NBAS: variants seen among roughly 807,000 people sequenced by gnomAD.
NBAS encodes the protein NAG/BC035112 fusion.
Under a neutral mutation model 302.5 loss-of-function variants are expected in NBAS, and 219 were observed. The ratio of observed to expected loss-of-function variants is 0.72; its 90% CI spans 0.65 to 0.81. The LOEUF (loss-of-function observed/expected upper bound fraction) is 0.81, where lower values mean the gene tolerates loss of function less well. Ranked by LOEUF, NBAS falls within the 30% of genes least tolerant of loss-of-function variation. The pLI, the probability that NBAS is intolerant of heterozygous loss-of-function variation, is 0.00. For missense variants in NBAS, 2,932 were observed against 2,841.6 expected (o/e 1.03, Z -0.72); for synonymous variants, 1,118 against 1,021.6 (o/e 1.09, Z -1.80).
At chr2:15,016,457 A>T in the NBAS span, among the ~76,000 whole-genome samples, 2 of 152,172 alleles carry the variant, frequency 1.3e-5, no homozygotes, top group Non-Finnish European at 2.9e-5. Flanking sequence ...CAAAACACTG[A>T]TGAAATAATT....
chr2:15,152,773 G>T, the NBAS span, among the ~76,000 whole-genome samples: 3 of 152,168 alleles, frequency 2.0e-5, no homozygotes, highest in African/African-American at 7.2e-5. Flanking sequence ...GGGGCCTGTT[G>T]GTTATATTTG....
chr2:15,258,680 G>A lies in NBAS; in HGVS notation c.5724+16804C>T, dbSNP rs148337927. ...GAGGTCAGACCAGTTGTCTGCTCTCGAACCCTGTTTTCTGTTGTTTAAGAT... is the reference window on the plus strand; with the variant it reads ...GAGGTCAGACCAGTTGTCTGCTCTCAAACCCTGTTTTCTGTTGTTTAAGAT... On this transcript the variant is annotated intron_variant, in intron 44 of 51. Transcript: ENST00000281513. 1.1e-4 allele frequency among the ~76,000 whole-genome samples: 17 copies of A among 152,202 alleles called. No individual in the cohort carries two copies. In the East Asian group the frequency reaches 1.9e-3, roughly 17 times the overall value.
chr2:15,549,997 T>A (rs924711103), intron 6 of NBAS, among the ~76,000 whole-genome samples: 2 of 151,872 alleles, frequency 1.3e-5, no homozygotes, highest in South Asian at 2.1e-4. Flanking sequence ...CTACAAAAAA[T>A]TTTAAAATAA....
chr2:15,386,108 A>T (rs150531357), intron 28 of NBAS, among the ~76,000 whole-genome samples: 1 of 152,210 alleles, frequency 6.6e-6, no homozygotes, highest in African/African-American at 2.4e-5. Flanking sequence ...TATGGTGGCT[A>T]TAACACTTGC....
the NBAS span, among the ~76,000 whole-genome samples, chr2:15,154,018 A>G: frequency 6.6e-6 from 1 of 152,238 alleles, no homozygotes. Context: ...AAGCCTAGAT[A>G]GAAATAAAGG....
chr2:15,287,004 C>T (rs1670070322), intron 42 of NBAS, 69 bp downstream of exon 42: 5 of 1,271,550 alleles, frequency 3.9e-6, no homozygotes, highest in African/African-American at 1.5e-5. Context: ...ACAACTTCTT[C>T]AAGAGTCTTC....
the NBAS span, among the ~76,000 whole-genome samples, chr2:14,794,572 T>C: frequency 6.6e-6 from 1 of 152,316 alleles, no homozygotes; most frequent in Admixed American, 6.5e-5. Context: ...TATTTATATA[T>C]TTATATCAAT....
the NBAS span, among the ~76,000 whole-genome samples, chr2:15,152,942 C>A: frequency 3.3e-5 from 5 of 152,124 alleles, no homozygotes; most frequent in Non-Finnish European, 7.3e-5. Flanking sequence ...TAAAGGCAGA[C>A]AAGAGAACAG....
chr2:15,385,378 C>T (rs1298948021), intron 28 of NBAS, among the ~76,000 whole-genome samples: 1 of 152,206 alleles, frequency 6.6e-6, no homozygotes, highest in Non-Finnish European at 1.5e-5. Flanking sequence ...TACAGCCCAG[C>T]TGTTCTTCTG....
the NBAS span, among the ~76,000 whole-genome samples, chr2:14,957,234 G>T: frequency 6.6e-6 from 1 of 151,696 alleles, no homozygotes; most frequent in African/African-American, 2.4e-5. Context: ...CACTAGCCCT[G>T]TTTCTCTGGA....
chr2:14,873,008 G>T, the NBAS span, among the ~76,000 whole-genome samples: 1 of 152,140 alleles, frequency 6.6e-6, no homozygotes, highest in Non-Finnish European at 1.5e-5. Flanking sequence ...TGCTAAGAGC[G>T]AAAGAAAAAA....
chr2:15,238,335 A>T, intron 45 of NBAS, 133 bp downstream of exon 45: 1 of 855,936 alleles, frequency 1.2e-6, no homozygotes, highest in Non-Finnish European at 1.8e-6. Flanking sequence ...GTTAACCAAT[A>T]AAGGCTTGCG....
At chr2:15,237,942 T>A (rs1367764086) in intron 45 of NBAS, among the ~76,000 whole-genome samples, 1 of 151,888 alleles carries the variant, frequency 6.6e-6, no homozygotes, top group Non-Finnish European at 1.5e-5. Flanking sequence ...GCCTGGCTAA[T>A]TTTTTTGTAT....
intron 45 of NBAS, 134 bp downstream of exon 45, chr2:15,238,334 T>C: frequency 1.2e-6 from 1 of 851,434 alleles, no homozygotes; most frequent in Non-Finnish European, 1.8e-6. Context: ...GGTTAACCAA[T>C]AAAGGCTTGC....
chr2:15,316,614 G>C (rs1484563058), intron 38 of NBAS, among the ~76,000 whole-genome samples: 2 of 152,226 alleles, frequency 1.3e-5, no homozygotes, highest in African/African-American at 4.8e-5. Flanking sequence ...ATGGAGCCTT[G>C]CTCACTGCTA....
At chr2:15,245,736 C>T (rs1166906394) in intron 44 of NBAS, among the ~76,000 whole-genome samples, 1 of 152,104 alleles carries the variant, frequency 6.6e-6, no homozygotes, top group African/African-American at 2.4e-5. Context: ...AGTAGGAGGG[C>T]TCATGACACA....
At chr2:15,119,993 C>T in the NBAS span, among the ~76,000 whole-genome samples, 1 of 152,318 alleles carries the variant, frequency 6.6e-6, no homozygotes, top group African/African-American at 2.4e-5. Context: ...GCAGTCTCTG[C>T]CTCTACCAGT....
intron 35 of NBAS, among the ~76,000 whole-genome samples, chr2:15,346,089 C>T (rs768203386): frequency 1.8e-4 from 27 of 152,118 alleles, no homozygotes; most frequent in Non-Finnish European, 3.2e-4. Context: ...TTCAGGACAT[C>T]GGCAAGGGCA....
chr2:15,085,510 G>T, the NBAS span, among the ~76,000 whole-genome samples: 1 of 152,134 alleles, frequency 6.6e-6, no homozygotes, highest in East Asian at 1.9e-4. Flanking sequence ...CCCAGATGCA[G>T]GCCCAGGCCC....
Sources: gnomAD v4.1 joint callset for allele counts (sites outside exome capture counted in the v4.1 genomes callset) on GRCh38, gnomAD v4.1.1 for gene constraint, MANE v1.5 for transcripts, NCBI Gene and HGNC (gene_info 2026-07-23, HGNC 2026-07-21) for gene names.